Variants in PCBP3 observed in about 807,000 individuals in gnomAD.
PCBP3 encodes the protein poly(rC) binding protein 3, also known as poly(rC)-binding protein 3.
PCBP3 carries 25 observed loss-of-function variants against 52.7 expected under a neutral mutation model. That is an observed-to-expected ratio of 0.47 (90% CI 0.35 to 0.66). The LOEUF is 0.66. Among genes scored for constraint, PCBP3 ranks in the 30% least tolerant of loss-of-function variants. PCBP3 has a pLI of 0.01. For missense variants in PCBP3, 391 were observed against 490.3 expected, an observed-to-expected ratio of 0.80 and a Z score of 1.91; for synonymous variants, 162 against 183.0, an observed-to-expected ratio of 0.89 and a Z score of 0.93.
intron 1 of PCBP3, among the ~76,000 whole-genome samples, chr21:45,663,177 C>A (rs2080530199): frequency 6.6e-6 from 1 of 152,164 alleles, no homozygotes; most frequent in South Asian, 2.1e-4. Context: ...CTCTCTCTCT[C>A]TCTCTCCACC....
chr21:45,801,890 T>C (rs1339827180), intron 4 of PCBP3, among the ~76,000 whole-genome samples: 1 of 152,230 alleles, frequency 6.6e-6, no homozygotes, highest in Non-Finnish European at 1.5e-5. Flanking sequence ...CCCCATGATC[T>C]ACTCAGTTTA....
At chr21:45,764,976 G>A (rs2089154675) in intron 4 of PCBP3, among the ~76,000 whole-genome samples, 1 of 152,236 alleles carries the variant, frequency 6.6e-6, no homozygotes, top group South Asian at 2.1e-4. Context: ...CGAGGCCCCG[G>A]GTGGGCCATG....
intron 11 of PCBP3, among the ~76,000 whole-genome samples, chr21:45,912,291 C>T (rs1269068091): frequency 6.6e-6 from 1 of 152,236 alleles, no homozygotes; most frequent in East Asian, 1.9e-4. Context: ...GGCAGCTGCT[C>T]TCACTCCCGC....
chr21:45,863,612 G>C (rs2094592112), intron 5 of PCBP3, among the ~76,000 whole-genome samples: 1 of 152,358 alleles, frequency 6.6e-6, no homozygotes, highest in East Asian at 1.9e-4. Flanking sequence ...CCAATGGGGT[G>C]GGCAGCCTCC....
intron 9 of PCBP3, among the ~76,000 whole-genome samples, chr21:45,902,913 C>T (rs370605026): frequency 6.6e-6 from 1 of 152,246 alleles, no homozygotes; most frequent in East Asian, 1.9e-4. Context: ...GGTTTCTGAC[C>T]GCACTTTCTG....
intron 8 of PCBP3, 82 bp from the exon 9 acceptor site, chr21:45,900,915 A>G (rs929228608): frequency 1.1e-5 from 10 of 917,100 alleles, no homozygotes; most frequent in African/African-American, 9.8e-5. Context: ...GTTTGTGTCA[A>G]TTGTCAACGG....
chr21:45,930,890 A>G, intron 15 of PCBP3, 45 bp downstream of exon 15: 1 of 1,610,134 alleles, frequency 6.2e-7, no homozygotes, highest in Non-Finnish European at 8.5e-7. Context: ...AGGGCAGCAG[A>G]GCAGAGCCCC....
intron 2 of PCBP3, among the ~76,000 whole-genome samples, chr21:45,682,292 G>A (rs1354581027): frequency 6.6e-6 from 1 of 152,110 alleles, no homozygotes; most frequent in Non-Finnish European, 1.5e-5. Context: ...TCTCTAGCTG[G>A]TCTGCCTTCC....
chr21:45,794,279 A>G (rs1239530542), intron 4 of PCBP3, among the ~76,000 whole-genome samples: 1 of 152,202 alleles, frequency 6.6e-6, no homozygotes, highest in Non-Finnish European at 1.5e-5. Context: ...AGCTGGATGT[A>G]GTGGTGCGTG....
chr21:45,814,966 G>GATGA (rs2092833366), intron 4 of PCBP3, among the ~76,000 whole-genome samples: 1 of 129,630 alleles, frequency 7.7e-6, no homozygotes, highest in African/African-American at 3.0e-5. Context: ...AGTGGTGAGT[G>GATGA]GTGAGTGATG....
intron 4 of PCBP3, among the ~76,000 whole-genome samples, chr21:45,812,698 A>C (rs1408676827): frequency 1.3e-5 from 2 of 152,124 alleles, no homozygotes; most frequent in Non-Finnish European, 2.9e-5. Flanking sequence ...GGCTGTGAAC[A>C]TTTTTTGTAG....
intron 5 of PCBP3, among the ~76,000 whole-genome samples, chr21:45,876,528 G>A (rs1379175532): frequency 2.0e-5 from 3 of 152,162 alleles, no homozygotes; most frequent in Non-Finnish European, 2.9e-5. Flanking sequence ...AATGCTCGCC[G>A]AGGCCAGGCT....
At chr21:45,924,983 C>G (rs1431845136) in intron 13 of PCBP3, among the ~76,000 whole-genome samples, 1 of 82,604 alleles carries the variant, frequency 1.2e-5, no homozygotes, top group East Asian at 2.4e-4. Context: ...TGGGTAGAAA[C>G]AGCACACGTA....
At chr21:45,707,896 G>A (rs1462008939) in intron 2 of PCBP3, among the ~76,000 whole-genome samples, 1 of 152,198 alleles carries the variant, frequency 6.6e-6, no homozygotes, top group Non-Finnish European at 1.5e-5. Flanking sequence ...AGCACCCCAG[G>A]TGTCATCTTG....
chr21:45,794,064 A>C (rs1427782694), intron 4 of PCBP3, among the ~76,000 whole-genome samples: 1 of 152,234 alleles, frequency 6.6e-6, no homozygotes, highest in East Asian at 1.9e-4. Context: ...ATTTGAAATA[A>C]AAATCTCAAG....
intron 15 of PCBP3, among the ~76,000 whole-genome samples, chr21:45,934,687 A>T (rs9977242): frequency 6.6e-6 from 1 of 152,182 alleles, no homozygotes; most frequent in South Asian, 2.1e-4. Context: ...CATCAGAATC[A>T]GAATGAGAGG....
At chr21:45,892,162 A>G (rs1201443627) in intron 5 of PCBP3, among the ~76,000 whole-genome samples, 2 of 152,122 alleles carry the variant, frequency 1.3e-5, no homozygotes, top group South Asian at 2.1e-4. Context: ...CGTCCTTCCT[A>G]CGAGGTGGGC....
rs532890250 is a variant in PCBP3 at position 45,683,155 on chromosome 21, C to A, written c.-200+14203C>A. Reference sequence around the variant, plus strand: ...AGGGAACAATGACCTGGATTCAGATCCTGCTGATAGGTCAAATAAGATAGG... The same window carrying A: ...AGGGAACAATGACCTGGATTCAGATACTGCTGATAGGTCAAATAAGATAGG... On this transcript the variant is annotated intron_variant, in intron 2 of 17. Coordinates refer to ENST00000681687, the MANE Select transcript of PCBP3 (RefSeq NM_001384156.1). 2.0e-5 allele frequency among the ~76,000 whole-genome samples: 3 copies of A among 152,272 alleles called. No homozygotes were observed. The South Asian group carries it at 6.2e-4, about 32-fold the overall frequency.
intron 3 of PCBP3, chr21:45,751,162 C>T (rs1208102902): frequency 6.6e-6 from 1 of 152,136 alleles, no homozygotes; most frequent in Non-Finnish European, 1.5e-5. Context: ...CCGGGTCCTC[C>T]CTCCCACCTC....
Sources: allele counts gnomAD v4.1 joint callset (sites outside exome capture counted in the v4.1 genomes callset), GRCh38; gene constraint gnomAD v4.1.1; transcripts MANE v1.5; gene names NCBI Gene and HGNC (gene_info 2026-07-23, HGNC 2026-07-21).